KCNU1: variants seen among roughly 807,000 people sequenced by gnomAD.
KCNU1 encodes the protein potassium calcium-activated channel subfamily U member 1, also known as potassium channel subfamily U member 1.
In KCNU1, 93 loss-of-function variants were observed where a neutral mutation model predicts 126.8. That is an observed-to-expected ratio of 0.73 (90% CI 0.62 to 0.87). KCNU1 has a LOEUF of 0.87. Ranked by LOEUF, KCNU1 falls within the 40% of genes least tolerant of loss-of-function variation. The pLI is 0.00. For missense variants in KCNU1, 1,330 were observed against 1,367.1 expected (o/e 0.97, Z 0.43); for synonymous variants, 523 against 494.2 (o/e 1.06, Z -0.77).
chr8:36,804,574 T>A (rs991268712), intron 3 of KCNU1, among the ~76,000 whole-genome samples: 2 of 152,174 alleles, frequency 1.3e-5, no homozygotes, highest in African/African-American at 4.8e-5. Flanking sequence ...TCTGAAAGCA[T>A]CCCCTCCTTA....
intron 12 of KCNU1, 85 bp from the exon 13 acceptor site, chr8:36,836,211 T>C: frequency 1.2e-6 from 1 of 846,394 alleles, no homozygotes; most frequent in Non-Finnish European, 1.9e-6. Context: ...CTTACCTACA[T>C]ATCAATTTAA....
chr8:36,813,855 C>T (rs16885449), intron 7 of KCNU1, among the ~76,000 whole-genome samples: 9,676 of 144,656 alleles, frequency 0.067, 1,027 homozygotes, highest in African/African-American at 0.23. Context: ...GTCATAATTG[C>T]TCAGTCTGAG....
chr8:36,908,612 C>T (rs918326310), intron 20 of KCNU1, among the ~76,000 whole-genome samples: 1 of 148,986 alleles, frequency 6.7e-6, no homozygotes, highest in South Asian at 2.1e-4. Flanking sequence ...CATATTCTCA[C>T]TCATAGGTGG....
chr8:36,835,726 A>G (rs1421209813), intron 12 of KCNU1, among the ~76,000 whole-genome samples: 2 of 152,184 alleles, frequency 1.3e-5, no homozygotes, highest in Middle Eastern at 3.2e-3. Flanking sequence ...GTGACTTGTG[A>G]TAACTGTGAT....
intron 19 of KCNU1, among the ~76,000 whole-genome samples, chr8:36,895,760 A>G (rs536554881): frequency 6.0e-4 from 91 of 152,258 alleles, no homozygotes; most frequent in Non-Finnish European, 1.1e-3. Context: ...AAAAAATTCT[A>G]TATTTCAAAG....
chr8:36,914,672 A>T (rs997159942), intron 22 of KCNU1, among the ~76,000 whole-genome samples: 9 of 152,178 alleles, frequency 5.9e-5, no homozygotes, highest in African/African-American at 2.2e-4. Context: ...GGACATCTCC[A>T]TGGGAAATTT....
In KCNU1 at chr8:36,804,090, T is replaced by C; in HGVS notation, c.377+2T>C. The C allele has an allele frequency of 6.5e-7, 1 of 1,544,070 alleles. No homozygotes were observed. Among genetic ancestry groups the C allele is most frequent in the East Asian group, 2.4e-5 (1 of 42,378 alleles). ...AATCTATTTCATCAATTCTGCTGAG[T>C]GAGTACAATGTCCAGTCACACTTGT... On this transcript the variant is annotated splice_donor_variant, in intron 3 of 26. Transcript: ENST00000399881. LOFTEE classifies it high-confidence loss of function.
Position 36,935,589 on chromosome 8 carries a change from G to A in KCNU1, c.3119G>A (p.Ser1040Asn), listed in dbSNP as rs768994479. Residue 1040 changes from serine to asparagine, a missense_variant, in exon 27 of 27, where the codon AGC (serine) becomes AAC (asparagine). Physicochemically the swap from Ser to Asn is conservative, Grantham distance 46 (BLOSUM62 1). Around this residue, in one of 3 missense-constraint regions of KCNU1, gnomAD observed 1,054 missense variants for 1,053.9 expected, o/e 1.00. Coordinates refer to ENST00000399881, the MANE Select transcript of KCNU1 (RefSeq NM_001031836.3). ...SDLVFCAIPF[S>N]TACYKRNEEF... is the part of the protein sequence containing the mutation. ...CTTGTGTTTTGTGCCATACCCTTCA[G>A]CACTGCTTGTTATAAAAGGAATGAA... 1.2e-6 allele frequency: 2 copies of A among 1,613,202 alleles called. No homozygotes were observed. Among genetic ancestry groups the A allele is most frequent in the Non-Finnish European group, 8.5e-7 (1 of 1,179,398 alleles).
At chr8:36,867,889 A>G (rs547957571) in intron 19 of KCNU1, among the ~76,000 whole-genome samples, 1 of 152,256 alleles carries the variant, frequency 6.6e-6, no homozygotes, top group East Asian at 1.9e-4. Context: ...TGTCAGCCCT[A>G]TTTCTGGTTG....
intron 2 of KCNU1, chr8:36,795,289 A>T (rs1378444813): frequency 1.3e-5 from 2 of 152,308 alleles, no homozygotes; most frequent in African/African-American, 4.8e-5. Flanking sequence ...CTAGTCTTGG[A>T]TGTCTCATGC....
At chr8:36,910,862 C>T (rs1012293952) in intron 21 of KCNU1, 68 bp from the exon 22 acceptor site, 1 of 1,131,778 alleles carries the variant, frequency 8.8e-7, no homozygotes, top group Admixed American at 2.2e-5. Context: ...CAAAGAGCCA[C>T]CACCATGAGC....
intron 10 of KCNU1, among the ~76,000 whole-genome samples, chr8:36,824,680 TTG>T (rs1804251637): frequency 6.6e-6 from 1 of 152,198 alleles, no homozygotes; most frequent in Non-Finnish European, 1.5e-5. Context: ...TTATTATTTT[TTG>T]TCTTATCTTC....
At chr8:36,815,202 G>A (rs1207090826) in intron 8 of KCNU1, among the ~76,000 whole-genome samples, 1 of 152,040 alleles carries the variant, frequency 6.6e-6, no homozygotes, top group African/African-American at 2.4e-5. Flanking sequence ...ATGGTGGCAG[G>A]CACCTGTAGT....
rs1318547515 is a variant in KCNU1 at position 36,899,293 on chromosome 8, A to C, written c.2010-6415A>C. Among the ~76,000 whole-genome samples, 9 of 152,156 alleles carry C rather than the reference A, an allele frequency of 5.9e-5. 1 individual carries two copies. The East Asian group carries it at 1.7e-3, about 30-fold the overall frequency. On this transcript the variant is annotated intron_variant, in intron 19 of 26. Transcript: ENST00000399881. The stretch of plus-strand genomic sequence containing the variant: ...AACTTCTAAGCTAGAAGATAGAAAA[A>C]AAAAATGCCTTCGTGGAGATTTTAG...
rs765128980 is a variant in KCNU1 at position 36,805,219 on chromosome 8, T to G, written c.402T>G (p.Tyr134Ter). The G allele has an allele frequency of 2.5e-6, 4 of 1,610,844 alleles. No homozygotes were observed. In the East Asian group the frequency reaches 8.9e-5, roughly 36 times the overall value. The change falls in exon 4 of 27, where the codon TAT (tyrosine) becomes TAG (stop). Residue 134 changes from tyrosine (Y) to a stop codon, truncating the protein, a stop_gained. Coordinates refer to ENST00000399881, the MANE Select transcript of KCNU1 (RefSeq NM_001031836.3). LOFTEE classifies it high-confidence loss of function. ...SADPVGSCSS[Y>*]EDKTIPIDLV... The stretch of plus-strand genomic sequence containing the variant: ...GCCCTGTTGGAAGCTGTTCATCATA[T>G]GAAGACAAAACCATTCCTATTGATT...
chr8:36,838,814 T>A (rs1176849753), intron 14 of KCNU1, among the ~76,000 whole-genome samples: 1 of 152,236 alleles, frequency 6.6e-6, no homozygotes, highest in Non-Finnish European at 1.5e-5. Flanking sequence ...TGAGAGATAT[T>A]TATGGTCTCC....
chr8:36,860,911 CTT>C (rs369702690), intron 18 of KCNU1, among the ~76,000 whole-genome samples: 3 of 140,250 alleles, frequency 2.1e-5, no homozygotes, highest in Non-Finnish European at 3.1e-5. Flanking sequence ...CCCTGGGTCA[CTT>C]TTTTTTTTTT....
intron 16 of KCNU1, among the ~76,000 whole-genome samples, chr8:36,844,787 C>T (rs1198525553): frequency 2.0e-5 from 3 of 152,114 alleles, no homozygotes; most frequent in South Asian, 2.1e-4. Context: ...GGAGAACTTC[C>T]GTTCTGCAAA....
chr8:36,928,578 T>C (rs1193413908), intron 24 of KCNU1, among the ~76,000 whole-genome samples: 2 of 152,192 alleles, frequency 1.3e-5, no homozygotes, highest in East Asian at 3.8e-4. Context: ...AAAAATACTG[T>C]AAAAGTTATT....
Sources: allele counts gnomAD v4.1 joint callset (sites outside exome capture counted in the v4.1 genomes callset), GRCh38; gene constraint gnomAD v4.1.1; regional missense constraint gnomAD v4.1.1; transcripts MANE v1.5; gene names NCBI Gene and HGNC (gene_info 2026-07-23, HGNC 2026-07-21).